PRH1: variants seen among roughly 807,000 people sequenced by gnomAD.
PRH1 encodes proline rich protein HaeIII subfamily 1, also known as salivary acidic proline-rich phosphoprotein 1/2.
Under a neutral mutation model 7.9 loss-of-function variants are expected in PRH1, and 7 were observed. The observed-to-expected ratio is 0.89, with a 90% CI of 0.50 to 1.67. PRH1 has a LOEUF of 1.67. PRH1 is among the 40% of genes most tolerant of loss of function. The pLI, the probability that PRH1 is intolerant of heterozygous loss-of-function variation, is 0.00. For synonymous variants in PRH1, 45 were observed against 80.8 expected (o/e 0.56, Z 2.38); for missense variants, 109 against 223.6 (o/e 0.49, Z 3.27).
intron 1 of PRH1, chr12:10,986,700 G>C (rs1187125791): frequency 6.2e-7 from 1 of 1,612,442 alleles, no homozygotes. Context: ...ACCAATTCTG[G>C]AGACCGCCAG....
chr12:11,115,772 T>C (rs1945714365), intron 1 of PRH1, among the ~76,000 whole-genome samples: 1 of 151,888 alleles, frequency 6.6e-6, no homozygotes, highest in South Asian at 2.1e-4. Context: ...CACATGGAAA[T>C]GAAACAATAT....
At chr12:10,968,315 A>C (rs1312282128) in intron 2 of PRH1, among the ~76,000 whole-genome samples, 1 of 152,204 alleles carries the variant, frequency 6.6e-6, no homozygotes, top group East Asian at 1.9e-4. Flanking sequence ...CTTGAACTTT[A>C]CCGTTTACTA....
chr12:10,955,036 C>G (rs1174710155), intron 2 of PRH1, among the ~76,000 whole-genome samples: 4 of 152,102 alleles, frequency 2.6e-5, no homozygotes, highest in African/African-American at 7.2e-5. Context: ...AGGCAGAAAA[C>G]TAACAAAGTT....
At chr12:10,938,023 A>G (rs1339709648) in intron 2 of PRH1, 3 of 394,378 alleles carry the variant, frequency 7.6e-6, no homozygotes, top group African/African-American at 4.2e-5. Flanking sequence ...TGATTGATAC[A>G]AAATCTATAT....
intron 1 of PRH1, among the ~76,000 whole-genome samples, chr12:10,975,784 TAA>T (rs1040365708): frequency 6.8e-6 from 1 of 148,124 alleles, no homozygotes; most frequent in African/African-American, 2.5e-5. Context: ...TCTAATTTCA[TAA>T]AAAAAGTCTT....
At chr12:11,038,941 T>C (rs1257894259) in intron 1 of PRH1, among the ~76,000 whole-genome samples, 1 of 152,266 alleles carries the variant, frequency 6.6e-6, no homozygotes, top group Admixed American at 6.5e-5. Flanking sequence ...TCTTTTGTTA[T>C]AAGCAAGTGT....
At chr12:11,026,559 A>G (rs1195229232) in intron 1 of PRH1, among the ~76,000 whole-genome samples, 12 of 152,068 alleles carry the variant, frequency 7.9e-5, no homozygotes, top group Non-Finnish European at 1.3e-4. Flanking sequence ...AACAAAATAT[A>G]TAAAATATAA....
At chr12:11,077,540 G>C in intron 1 of PRH1, 1 of 1,191,422 alleles carries the variant, frequency 8.4e-7, no homozygotes, top group South Asian at 1.2e-5. Context: ...TATAACATGA[G>C]GAAGGAGATC....
At chr12:11,037,000 G>A (rs560327744) in intron 1 of PRH1, among the ~76,000 whole-genome samples, 2 of 152,252 alleles carry the variant, frequency 1.3e-5, no homozygotes, top group African/African-American at 4.8e-5. Context: ...GCCTAGACAA[G>A]TACCCTCACA....
chr12:10,975,144 G>GA (rs1191915572), intron 1 of PRH1, among the ~76,000 whole-genome samples: 2 of 152,012 alleles, frequency 1.3e-5, no homozygotes, highest in African/African-American at 2.4e-5. Context: ...CAAAATAAAA[G>GA]AAAAAATGCT....
intron 1 of PRH1, chr12:11,171,207 A>G (rs904264329): frequency 4.6e-6 from 2 of 433,072 alleles, no homozygotes; most frequent in Non-Finnish European, 7.7e-6. Flanking sequence ...TACGCGCCGC[A>G]CTGCACCGAG....
chr12:10,992,916 C>A (rs374226042), intron 1 of PRH1, among the ~76,000 whole-genome samples: 12 of 152,302 alleles, frequency 7.9e-5, no homozygotes, highest in African/African-American at 2.9e-4. Flanking sequence ...AAAGAGTCCT[C>A]GGTAATTCTC....
intron 1 of PRH1, chr12:11,031,266 T>C (rs770608141): frequency 3.7e-6 from 6 of 1,613,944 alleles, no homozygotes; most frequent in Non-Finnish European, 2.5e-6. Flanking sequence ...ATGAAGCCAT[T>C]AGCAAAATTT....
chr12:11,132,390 G>T (rs541496838), intron 1 of PRH1, among the ~76,000 whole-genome samples: 370 of 152,296 alleles, frequency 2.4e-3, no homozygotes, highest in Non-Finnish European at 3.7e-3. Flanking sequence ...AGTTTAGAAA[G>T]AATTTTAAAA....
intron 1 of PRH1, among the ~76,000 whole-genome samples, chr12:11,161,779 G>C (rs889610212): frequency 6.6e-6 from 1 of 152,064 alleles, no homozygotes; most frequent in Non-Finnish European, 1.5e-5. Context: ...CCATTGTTTC[G>C]AATGCCTTCA....
intron 1 of PRH1, among the ~76,000 whole-genome samples, chr12:11,102,157 A>C (rs36191000): frequency 0.46 from 69,023 of 151,060 alleles, 16,504 homozygotes; most frequent in Non-Finnish European, 0.53. Flanking sequence ...CATCAAGCTA[A>C]CAATGACTTT....
At chr12:11,078,888 A>G (rs1232171037) in intron 1 of PRH1, 2 of 152,200 alleles carry the variant, frequency 1.3e-5, no homozygotes, top group African/African-American at 4.8e-5. Flanking sequence ...ATATGACATC[A>G]TTGTTAATAA....
At position 11,168,394 on chromosome 12, in the gene PRH1, A is replaced by AAGAAAG. The variant is rs1555178380; in HGVS notation, n.39+3022_39+3027dup. Among the ~76,000 whole-genome samples, 11 of 98,984 alleles carry AAGAAAG rather than the reference A, an allele frequency of 1.1e-4. 2 individuals are homozygous for AAGAAAG. Among genetic ancestry groups the AAGAAAG allele is most frequent in the African/African-American group, 3.7e-4 (11 of 30,114 alleles). 64.9% of individuals were successfully genotyped at this position (98,984 alleles called of 152,430 possible). On this transcript the variant is annotated intron_variant and non_coding_transcript_variant, in intron 1 of 1. Coordinates refer to the PRH1 transcript ENST00000541175. The stretch of plus-strand genomic sequence containing the variant: ...AAAGAAAGAAAGAAAGAAAGAAAGA[A>AAGAAAG]AGAAAGAAAGAAAGAAAGAAAGAAA...
chr12:10,904,609 T>C (rs938474858), intron 2 of PRH1, among the ~76,000 whole-genome samples: 3 of 152,250 alleles, frequency 2.0e-5, no homozygotes, highest in Middle Eastern at 3.4e-3. Context: ...ATTCTAAACA[T>C]TGGCCTTGGG....
Sources: allele counts gnomAD v4.1 joint callset (sites outside exome capture counted in the v4.1 genomes callset), GRCh38; gene constraint gnomAD v4.1.1; transcripts MANE v1.5; gene names NCBI Gene and HGNC (gene_info 2026-07-23, HGNC 2026-07-21).